The following TRANK1 variants were observed in gnomAD, a reference collection of about 807,000 sequenced individuals.
The protein encoded by TRANK1 is tetratricopeptide repeat and ankyrin repeat containing 1, also known as TPR and ankyrin repeat-containing protein 1.
In TRANK1, 198 loss-of-function variants were observed where a neutral mutation model predicts 266.0. That is an observed-to-expected ratio of 0.74 (90% CI 0.66 to 0.84). TRANK1 has a LOEUF of 0.84. Among genes scored for constraint, TRANK1 ranks in the 40% least tolerant of loss-of-function variants. TRANK1 has a pLI of 0.00. For missense variants in TRANK1, 3,326 were observed against 3,634.6 expected (o/e 0.92, Z 2.18); for synonymous variants, 1,396 against 1,384.1 (o/e 1.01, Z -0.19).
At position 36,857,017 on chromosome 3, in the gene TRANK1, TC is replaced by T. The variant is rs750331886; in HGVS notation, c.2704del (p.Glu902SerfsTer45). ...KLDKGARMLW[E>X]LAIDFSPRCS... ...TCGAGGGGAGAAGTCAATGGCGAGCTCCCAGAGCATCCGGGCTCCTTTGTCC... is the reference window on the plus strand; with the variant it reads ...TCGAGGGGAGAAGTCAATGGCGAGCTCCAGAGCATCCGGGCTCCTTTGTCC... On this transcript the variant is annotated frameshift_variant, in exon 13 of 24. Transcript: ENST00000645898. LOFTEE classifies it high-confidence loss of function. This position sits in a 1 kb window ranked among gnomAD's most constrained non-coding sequence, Gnocchi z 4.3. 1 of 1,613,904 alleles carries T rather than the reference TC, an allele frequency of 6.2e-7. No homozygotes were observed. The highest frequency in any genetic ancestry group is 8.5e-7 in the Non-Finnish European group (1 of 1,179,848).
intron 22 of TRANK1, among the ~76,000 whole-genome samples, chr3:36,830,577 C>T (rs1283147279): frequency 6.6e-6 from 1 of 152,132 alleles, no homozygotes; most frequent in Non-Finnish European, 1.5e-5. Context: ...GGAGAGAAAG[C>T]GATTCATTCT....
intron 8 of TRANK1, among the ~76,000 whole-genome samples, chr3:36,876,619 T>G (rs1016356007): frequency 2.6e-5 from 4 of 152,164 alleles, no homozygotes; most frequent in African/African-American, 9.7e-5. Flanking sequence ...CCGCTACAGA[T>G]GAAAACAAAC....
chr3:36,858,978 G>T (rs2079096858), intron 11 of TRANK1, 84 bp from the exon 12 acceptor site: 6 of 1,385,740 alleles, frequency 4.3e-6, no homozygotes, highest in East Asian at 2.6e-5. Context: ...CAGTTATTCA[G>T]TTGCAAGGGA....
At chr3:36,850,249 T>C (rs1173298855) in intron 15 of TRANK1, 1 of 985,308 alleles carries the variant, frequency 1.0e-6, no homozygotes, top group African/African-American at 1.7e-5. Flanking sequence ...GGTTCCAGGG[T>C]TAATGAGTGT....
chr3:36,915,014 C>A lies in TRANK1; in HGVS notation c.24-6560G>T, dbSNP rs191192947. On this transcript the variant is annotated intron_variant, in intron 1 of 23. Transcript: ENST00000645898. ...TCACCCAGGCTGGAGTGCAGTGGCC[C>A]GATCTCCACTCACTGCAAGCTCCGC... Among the ~76,000 whole-genome samples the A allele has an allele frequency of 5.9e-3, 900 of 152,000 alleles. 9 individuals carry two copies. The highest frequency in any genetic ancestry group is 0.02 in the African/African-American group (828 of 41,430).
intron 18 of TRANK1, among the ~76,000 whole-genome samples, chr3:36,839,774 A>G (rs2078818909): frequency 6.6e-6 from 1 of 152,188 alleles, no homozygotes; most frequent in African/African-American, 2.4e-5. Context: ...TTTGCTTACC[A>G]TCAGATTCCT....
At chr3:36,884,020 C>A (rs930302413) in intron 8 of TRANK1, among the ~76,000 whole-genome samples, 1 of 152,136 alleles carries the variant, frequency 6.6e-6, no homozygotes. Flanking sequence ...GTGTTTCTCA[C>A]AGAGGTATTA....
intron 9 of TRANK1, among the ~76,000 whole-genome samples, chr3:36,869,469 T>C (rs2079274458): frequency 6.6e-6 from 1 of 152,254 alleles, no homozygotes; most frequent in African/African-American, 2.4e-5. Context: ...CAAATCCTAA[T>C]GTTATTGTGC....
intron 9 of TRANK1, among the ~76,000 whole-genome samples, chr3:36,865,984 G>GAGAA (rs368657168): frequency 4.7e-4 from 71 of 149,828 alleles, no homozygotes; most frequent in Admixed American, 2.7e-4. Flanking sequence ...CAGAGAGAGA[G>GAGAA]AGAAAGAAAG....
At chr3:36,905,510 G>A (rs1322470579) in intron 2 of TRANK1, among the ~76,000 whole-genome samples, 1 of 152,120 alleles carries the variant, frequency 6.6e-6, no homozygotes, top group South Asian at 2.1e-4. Context: ...CCCTCACAGG[G>A]GGCAGCTTGA....
chr3:36,841,868 C>T (rs2078848593), intron 18 of TRANK1, among the ~76,000 whole-genome samples: 1 of 151,534 alleles, frequency 6.6e-6, no homozygotes, highest in South Asian at 2.1e-4. Flanking sequence ...GCAGAACCAA[C>T]CCTAAGACCT....
At chr3:36,837,247 C>T (rs1369720781) in intron 20 of TRANK1, among the ~76,000 whole-genome samples, 4 of 152,186 alleles carry the variant, frequency 2.6e-5, no homozygotes, top group Non-Finnish European at 5.9e-5. Context: ...TGCTTCTTGC[C>T]TCTAGAGAGC....
intron 8 of TRANK1, among the ~76,000 whole-genome samples, chr3:36,879,657 TATATAAATATATATAA>T (rs2079452389): frequency 8.6e-6 from 1 of 116,762 alleles, no homozygotes; most frequent in Admixed American, 1.0e-4. Context: ...TATATATAAA[TATATAAATATATATAA>T]ATATATAAAT....
chr3:36,855,446 C>A lies in TRANK1; in HGVS notation c.4276G>T (p.Val1426Leu). The change falls in exon 13 of 24, where the codon GTG becomes TTG. Residue 1426 changes from valine to leucine, a missense_variant. Transcript: ENST00000645898. ...NISRRLSKLR[V>L]LPWSIHELYG... The stretch of plus-strand genomic sequence containing the variant: ...AGCTCGTGGATGGACCATGGGAGCA[C>A]CCTGAGCTTCGACAGCCTCCGGGAT... The A allele has an allele frequency of 6.2e-7, 1 of 1,613,990 alleles. No individual in the cohort carries two copies. The highest frequency in any genetic ancestry group is 1.3e-5 in the African/African-American group (1 of 75,032).
At chr3:36,941,601 A>G (rs1192037301) in intron 1 of TRANK1, among the ~76,000 whole-genome samples, 1 of 144,866 alleles carries the variant, frequency 6.9e-6, no homozygotes, top group African/African-American at 2.5e-5. Flanking sequence ...GAGTGACCAA[A>G]GGAGTAATCA....
In TRANK1 at chr3:36,944,819, C is replaced by G. The variant is rs936625792; in HGVS notation, c.-10G>C. 2 of 1,488,086 alleles carry G rather than the reference C, an allele frequency of 1.3e-6. No homozygotes were observed. The highest frequency in any genetic ancestry group is 1.8e-6 in the Non-Finnish European group (2 of 1,126,156). 92.2% of individuals were successfully genotyped at this position (1,488,086 alleles called of 1,614,324 possible). ...CCCGCGGGTCCCACATGGCTGCGGCCGGAGGGTCCGCACCAGGACCGCCGC... is the reference window on the plus strand; with the variant it reads ...CCCGCGGGTCCCACATGGCTGCGGCGGGAGGGTCCGCACCAGGACCGCCGC... On this transcript the variant is annotated 5_prime_UTR_variant, in exon 1 of 24. Transcript: ENST00000645898.
intron 1 of TRANK1, among the ~76,000 whole-genome samples, chr3:36,932,106 GA>G (rs1326353238): frequency 6.6e-6 from 1 of 152,100 alleles, no homozygotes; most frequent in East Asian, 1.9e-4. Context: ...TCATTCTAAT[GA>G]TACCAAAAGC....
chr3:36,891,853 C>T (rs1376121865), intron 7 of TRANK1, among the ~76,000 whole-genome samples: 1 of 152,116 alleles, frequency 6.6e-6, no homozygotes, highest in African/African-American at 2.4e-5. Flanking sequence ...TAGACCAAAG[C>T]TGCCTATGCC....
rs745848120 is a variant in TRANK1, at chr3:36,838,360, T to A, written c.5517+12A>T. ...AGTTTTCCCTGGAGCAGCAGCGGACTAGGAGCCATACCTTTCCCAGCCTCT... is the reference window on the plus strand; with the variant it reads ...AGTTTTCCCTGGAGCAGCAGCGGACAAGGAGCCATACCTTTCCCAGCCTCT... On this transcript the variant is annotated intron_variant, in intron 20 of 23. Coordinates refer to ENST00000645898, the MANE Select transcript of TRANK1 (RefSeq NM_001329998.2). The A allele has an allele frequency of 3.1e-6, 5 of 1,613,628 alleles. No homozygotes were observed. The highest frequency in any genetic ancestry group is 1.7e-4 in the Middle Eastern group (1 of 6,050).
Sources: gnomAD v4.1 joint callset for allele counts (sites outside exome capture counted in the v4.1 genomes callset) on GRCh38, gnomAD v4.1.1 for gene constraint, Gnocchi (gnomAD v3.1) non-coding constraint, MANE v1.5 for transcripts, NCBI Gene and HGNC (gene_info 2026-07-23, HGNC 2026-07-21) for gene names.